ASCC1: variants seen among roughly 807,000 people sequenced by gnomAD.
ASCC1 encodes ASC-1 complex subunit P50.
Under a neutral mutation model 46.6 loss-of-function variants are expected in ASCC1, and 35 were observed. That is an observed-to-expected ratio of 0.75 (90% CI 0.57 to 0.99). The LOEUF is 0.99. Ranked by LOEUF, ASCC1 falls within the 50% of genes least tolerant of loss-of-function variation. The probability of loss-of-function intolerance (pLI) is 0.00; values close to 1 mark genes in which losing one functional copy is unlikely to be tolerated. For synonymous variants in ASCC1, 143 were observed against 146.6 expected (o/e 0.98, Z 0.18); for missense variants, 376 against 428.7 (o/e 0.88, Z 1.09).
chr10:72,127,216 A>T (rs1844967049), intron 9 of ASCC1, among the ~76,000 whole-genome samples: 1 of 152,242 alleles, frequency 6.6e-6, no homozygotes, highest in East Asian at 1.9e-4. Context: ...TTACAGAGCA[A>T]GTGAAAAGAA....
At chr10:72,194,796 G>A (rs998676965) in intron 5 of ASCC1, among the ~76,000 whole-genome samples, 1 of 152,140 alleles carries the variant, frequency 6.6e-6, no homozygotes, top group African/African-American at 2.4e-5. Context: ...AGGCTGGAGG[G>A]CAAAGGTGCG....
At chr10:72,143,029 T>C (rs1349906303) in intron 7 of ASCC1, among the ~76,000 whole-genome samples, 1 of 151,744 alleles carries the variant, frequency 6.6e-6, no homozygotes, top group Non-Finnish European at 1.5e-5. Context: ...GACATGGTAG[T>C]GGGCGCCTGT....
intron 5 of ASCC1, among the ~76,000 whole-genome samples, chr10:72,168,113 C>G (rs1446097260): frequency 6.6e-6 from 1 of 152,122 alleles, no homozygotes; most frequent in Non-Finnish European, 1.5e-5. Context: ...ATTGCTTGAA[C>G]CTGGGAGGTG....
chr10:72,170,593 C>CAAAAAAA (rs1038487604), intron 5 of ASCC1, among the ~76,000 whole-genome samples: 2 of 58,864 alleles, frequency 3.4e-5, no homozygotes, highest in Non-Finnish European at 7.8e-5. Context: ...GACTGTATCT[C>CAAAAAAA]AAAAAAAAAA....
Position 72,096,828 on chromosome 10 carries a change from A to T in ASCC1, c.*506T>A, listed in dbSNP as rs115222004. ...CAGTCACAAAAAGACAAGTCACTGTATGATTCCACTTATATGAGATACTGA... is the reference window on the plus strand; with the variant it reads ...CAGTCACAAAAAGACAAGTCACTGTTTGATTCCACTTATATGAGATACTGA... On this transcript the variant is annotated 3_prime_UTR_variant, in exon 10 of 10. Coordinates refer to ENST00000672957, the MANE Select transcript of ASCC1 (RefSeq NM_001198800.3). 2,464 of 454,140 alleles carry T rather than the reference A, an allele frequency of 5.4e-3. 64 individuals carry two copies. Among genetic ancestry groups the T allele is most frequent in the African/African-American group, 0.046 (2,315 of 50,116 alleles). The allele number at this position is 454,140 out of a possible 1,614,324, so 28.1% of individuals were successfully genotyped here.
At chr10:72,215,287 T>C (rs1049214094) in intron 1 of ASCC1, among the ~76,000 whole-genome samples, 4 of 152,118 alleles carry the variant, frequency 2.6e-5, no homozygotes, top group African/African-American at 9.7e-5. Flanking sequence ...TAGTCCCAAC[T>C]ACTGGGAAAG....
chr10:72,169,457 C>T (rs1010755908), intron 5 of ASCC1, among the ~76,000 whole-genome samples: 2 of 151,934 alleles, frequency 1.3e-5, no homozygotes, highest in African/African-American at 4.8e-5. Flanking sequence ...AAGACAAGTG[C>T]AGAAGAGCTT....
At chr10:72,216,849 A>C (rs1341763601), upstream of ASCC1, 1 of 456,208 alleles carries the variant, frequency 2.2e-6, no homozygotes, top group Non-Finnish European at 4.4e-6. Flanking sequence ...AGGATACTTC[A>C]TCATCAGTAT....
chr10:72,183,330 A>T (rs553638082), intron 5 of ASCC1, among the ~76,000 whole-genome samples: 1 of 152,286 alleles, frequency 6.6e-6, no homozygotes, highest in African/African-American at 2.4e-5. Flanking sequence ...GGTGTGAGCC[A>T]CTGAGCCCAG....
intron 5 of ASCC1, among the ~76,000 whole-genome samples, chr10:72,171,437 T>G (rs1851069644): frequency 6.6e-6 from 1 of 152,172 alleles, no homozygotes; most frequent in Non-Finnish European, 1.5e-5. Flanking sequence ...TCCTCTTTTT[T>G]TTTTTCTCAG....
chr10:72,201,868 G>A (rs1856546548), intron 4 of ASCC1, among the ~76,000 whole-genome samples: 1 of 151,960 alleles, frequency 6.6e-6, no homozygotes. Context: ...AGTCCAGGAG[G>A]TAGAGTCTAC....
At chr10:72,143,163 G>GAAA (rs34005540) in intron 7 of ASCC1, among the ~76,000 whole-genome samples, 2 of 87,334 alleles carry the variant, frequency 2.3e-5, no homozygotes. Flanking sequence ...TCCGTCTCAG[G>GAAA]AAAAAAAAAA....
chr10:72,142,044 C>A (rs759533649), intron 7 of ASCC1, among the ~76,000 whole-genome samples: 2 of 152,048 alleles, frequency 1.3e-5, no homozygotes, highest in Admixed American at 6.6e-5. Context: ...ATGTAGGCAA[C>A]CCTGTTTTCT....
intron 8 of ASCC1, among the ~76,000 whole-genome samples, chr10:72,128,463 C>G (rs1201214743): frequency 1.3e-5 from 2 of 152,182 alleles, no homozygotes; most frequent in Non-Finnish European, 1.5e-5. Context: ...ATTATGTCTC[C>G]ATTGTGGACC....
At chr10:72,118,223 C>T (rs1163611012) in intron 9 of ASCC1, among the ~76,000 whole-genome samples, 1 of 151,692 alleles carries the variant, frequency 6.6e-6, no homozygotes, top group Admixed American at 6.6e-5. Context: ...AAAAACTAGT[C>T]GGGGGTGGTG....
At chr10:72,179,368 A>C (rs1852270047) in intron 5 of ASCC1, among the ~76,000 whole-genome samples, 1 of 152,180 alleles carries the variant, frequency 6.6e-6, no homozygotes, top group African/African-American at 2.4e-5. Flanking sequence ...GGCTGTTCTC[A>C]CTTGAAAATG....
At chr10:72,156,656 C>T (rs895855526) in intron 6 of ASCC1, among the ~76,000 whole-genome samples, 1 of 151,804 alleles carries the variant, frequency 6.6e-6, no homozygotes, top group African/African-American at 2.4e-5. Context: ...CCTGTAGTCC[C>T]GGCTACTCAG....
rs149356451 is a variant in ASCC1, at chr10:72,206,582, C to T, written c.213-3058G>A. Among the ~76,000 whole-genome samples the T allele has an allele frequency of 6.0e-4, 92 of 152,264 alleles. No homozygotes were observed. The East Asian group carries it at 0.015, about 26-fold the overall frequency. On this transcript the variant is annotated intron_variant, in intron 3 of 9. Transcript: ENST00000672957. ...CCCTAACGTTAGTAGATTAAGCATA[C>T]CGGGAGAAGGACCCTGACAGTAATA...
At chr10:72,143,413 G>C (rs11000186) in intron 7 of ASCC1, among the ~76,000 whole-genome samples, 2 of 151,550 alleles carry the variant, frequency 1.3e-5, no homozygotes, top group African/African-American at 4.9e-5. Flanking sequence ...CTGTTGCTCA[G>C]ACTGGCCTCA....
Sources: allele counts gnomAD v4.1 joint callset (sites outside exome capture counted in the v4.1 genomes callset), GRCh38; gene constraint gnomAD v4.1.1; transcripts MANE v1.5; gene names NCBI Gene and HGNC (gene_info 2026-07-23, HGNC 2026-07-21).